Variants in ZNF592 observed in about 807,000 individuals in gnomAD.
ZNF592 encodes the protein zinc finger protein 592.
In ZNF592, 11 loss-of-function variants were observed where a neutral mutation model predicts 80.3. The observed-to-expected ratio is 0.14, with a 90% CI of 0.09 to 0.23. The LOEUF (loss-of-function observed/expected upper bound fraction) is 0.23. ZNF592 is among the 10% of genes least tolerant of loss of function. ZNF592 has a pLI of 1.00. For synonymous variants in ZNF592, 646 were observed against 640.3 expected, an observed-to-expected ratio of 1.01 and a Z score of -0.13; for missense variants, 1,420 against 1,633.9, an observed-to-expected ratio of 0.87 and a Z score of 2.26.
intron 4 of ZNF592, 137 bp downstream of exon 4, chr15:84,785,032 ATATT>A: frequency 9.3e-7 from 1 of 1,075,158 alleles, no homozygotes; most frequent in Non-Finnish European, 1.4e-6. Context: ...GTCTGCCTGA[ATATT>A]TAGTGTTTGG....
intron 1 of ZNF592, among the ~76,000 whole-genome samples, chr15:84,753,728 C>T (rs931889995): frequency 1.1e-4 from 16 of 152,228 alleles, no homozygotes; most frequent in Non-Finnish European, 2.2e-4. Context: ...CTGCCTTGGC[C>T]TCCTAAAGTG....
chr15:84,767,090 GC>G (rs1187326640), intron 2 of ZNF592, among the ~76,000 whole-genome samples: 3 of 152,196 alleles, frequency 2.0e-5, no homozygotes, highest in African/African-American at 7.2e-5. Flanking sequence ...CGCCTCTGGG[GC>G]TCAAGTGATT....
At chr15:84,751,548 C>T (rs1899014508) in intron 1 of ZNF592, among the ~76,000 whole-genome samples, 1 of 151,962 alleles carries the variant, frequency 6.6e-6, no homozygotes, top group Admixed American at 6.6e-5. Flanking sequence ...CAGTTGAGCA[C>T]TGGGTTCAAA....
Position 84,802,117 on chromosome 15 carries a change from C to G in ZNF592, c.3528C>G (p.His1176Gln). The change falls in exon 11 of 11, where the codon CAC becomes CAG. Residue 1176 changes from histidine (H) to glutamine (Q), a missense_variant. By Grantham distance (24) the His-to-Gln change is conservative. Coordinates refer to ENST00000560079, the MANE Select transcript of ZNF592 (RefSeq NM_014630.3). ...SSLSRHLFIV[H>Q]KVRDQEEEEE... ...TCAGCCGCCACCTCTTCATTGTCCACAAGGTGAGAGACCAGGAGGAGGAGG... is the reference window on the plus strand; with the variant it reads ...TCAGCCGCCACCTCTTCATTGTCCAGAAGGTGAGAGACCAGGAGGAGGAGG... The G allele has an allele frequency of 6.2e-7, 1 of 1,611,684 alleles. No individual in the cohort carries two copies. Among genetic ancestry groups the G allele is most frequent in the Non-Finnish European group, 8.5e-7 (1 of 1,178,702 alleles).
intron 1 of ZNF592, among the ~76,000 whole-genome samples, chr15:84,758,219 C>T (rs187775745): frequency 2.2e-4 from 34 of 152,006 alleles, no homozygotes; most frequent in African/African-American, 7.2e-4. Flanking sequence ...GTGATCCACC[C>T]GCCTCGGCCT....
At chr15:84,759,628 A>G (rs1198391503) in intron 1 of ZNF592, among the ~76,000 whole-genome samples, 4 of 152,160 alleles carry the variant, frequency 2.6e-5, no homozygotes, top group East Asian at 1.9e-4. Context: ...TCTTTAGTAC[A>G]TCATCACCAA....
chr15:84,783,603 G>T lies in ZNF592; in HGVS notation c.928G>T (p.Asp310Tyr), dbSNP rs147251641. 1.7e-5 allele frequency: 27 copies of T among 1,614,056 alleles called. No homozygotes were observed. In the African/African-American group the frequency reaches 3.1e-4, roughly 18 times the overall value. ...TKEDQPGHTKDLSGPTKESSK... is the reference protein window; with the variant it reads ...TKEDQPGHTKYLSGPTKESSK... Reference sequence around the variant, plus strand: ...GGAGGATCAGCCTGGCCACACAAAGGATCTCTCAGGGCCCACTAAAGAGAG... The same window carrying T: ...GGAGGATCAGCCTGGCCACACAAAGTATCTCTCAGGGCCCACTAAAGAGAG... Residue 310 changes from aspartate (D) to tyrosine (Y), a missense_variant, in exon 4 of 11, where the codon GAT becomes TAT. Physicochemically the swap from Asp to Tyr is radical, Grantham distance 160. Around this residue, in one of 7 missense-constraint regions of ZNF592, gnomAD observed 373 missense variants for 355.5 expected, o/e 1.05. Coordinates refer to ENST00000560079, the MANE Select transcript of ZNF592 (RefSeq NM_014630.3). This position sits in a 1 kb window ranked among gnomAD's most constrained non-coding sequence, Gnocchi z 5.0.
chr15:84,764,100 C>G (rs1362408256), intron 1 of ZNF592, among the ~76,000 whole-genome samples: 1 of 152,232 alleles, frequency 6.6e-6, no homozygotes, highest in Non-Finnish European at 1.5e-5. Flanking sequence ...TCACCTGCCC[C>G]CCTGGCCCCT....
intron 4 of ZNF592, among the ~76,000 whole-genome samples, chr15:84,787,477 C>T (rs1962623761): frequency 6.6e-6 from 1 of 152,182 alleles, no homozygotes. Context: ...TAGCTTCAGC[C>T]CATGTGTCCA....
chr15:84,796,221 C>CAAAA (rs753718341), intron 5 of ZNF592, among the ~76,000 whole-genome samples: 4 of 25,420 alleles, frequency 1.6e-4, no homozygotes, highest in African/African-American at 4.2e-4. Flanking sequence ...GACTCTGTCT[C>CAAAA]AAAAAAAAAA....
rs538777443 is a variant in ZNF592, at chr15:84,750,028, G to A, written c.-259+1364G>A. 3.3e-5 allele frequency among the ~76,000 whole-genome samples: 5 copies of A among 152,334 alleles called. No homozygotes were observed. The East Asian group carries it at 7.7e-4, about 23-fold the overall frequency. ...TAATAATTAATAGTCGTGGCCGGGC[G>A]CGGTGGCTCGCGCCTGTAATCCCAG... On this transcript the variant is annotated intron_variant, in intron 1 of 10. Coordinates refer to ENST00000560079, the MANE Select transcript of ZNF592 (RefSeq NM_014630.3).
At chr15:84,785,871 A>C (rs1468728378) in intron 4 of ZNF592, among the ~76,000 whole-genome samples, 2 of 151,938 alleles carry the variant, frequency 1.3e-5, no homozygotes, top group African/African-American at 4.8e-5. Context: ...CATTTAAAAA[A>C]AAAAAAAAAG....
At position 84,766,671 on chromosome 15, in the gene ZNF592, T is replaced by TGGA. The variant is rs141787773; in HGVS notation, c.-150+1860_-150+1862dup. 6.3e-3 allele frequency among the ~76,000 whole-genome samples: 913 copies of TGGA among 145,420 alleles called. 9 individuals carry two copies. Among genetic ancestry groups the TGGA allele is most frequent in the African/African-American group, 0.022 (867 of 38,742 alleles). On this transcript the variant is annotated intron_variant, in intron 2 of 10. Coordinates refer to ENST00000560079, the MANE Select transcript of ZNF592 (RefSeq NM_014630.3). ...GAAGAGAGGGAGAGAAAGTGTACCG[T>TGGA]GGAGGAAGGAATAGAGGGAGAGAGG...
rs1347194848 is a variant in ZNF592, at chr15:84,784,915, T to TA, written c.2220+21dup. ...GGGCTGGTAAGCAGACCCTCACTGT[T>TA]ACGGGTATCGGGCCCCTGGCTCACA... On this transcript the variant is annotated intron_variant, in intron 4 of 10. Coordinates refer to ENST00000560079, the MANE Select transcript of ZNF592 (RefSeq NM_014630.3). The surrounding 1 kb of genome is among the most constrained non-coding windows in gnomAD (Gnocchi z 5.8). The TA allele has an allele frequency of 1.2e-6, 2 of 1,613,818 alleles. No individual in the cohort carries two copies. The highest frequency in any genetic ancestry group is 1.7e-6 in the Non-Finnish European group (2 of 1,179,994).
chr15:84,757,102 G>C (rs2141960223), intron 1 of ZNF592, among the ~76,000 whole-genome samples: 1 of 152,094 alleles, frequency 6.6e-6, no homozygotes, highest in East Asian at 1.9e-4. Flanking sequence ...GACAGAGTGA[G>C]ACTGTCTCAA....
intron 2 of ZNF592, among the ~76,000 whole-genome samples, chr15:84,765,162 C>T: frequency 6.6e-6 from 1 of 152,198 alleles, no homozygotes; most frequent in Admixed American, 6.5e-5. Context: ...TAAGTGGAAT[C>T]ATTCAGTATT....
intron 10 of ZNF592, among the ~76,000 whole-genome samples, chr15:84,801,004 A>G (rs528410272): frequency 6.6e-6 from 1 of 152,328 alleles, no homozygotes; most frequent in Non-Finnish European, 1.5e-5. Flanking sequence ...AAAAACAAAA[A>G]CAAGAAAAAC....
In ZNF592 at chr15:84,784,797, C is replaced by T. The variant is rs758325813; in HGVS notation, c.2122C>T (p.Arg708Trp). The T allele has an allele frequency of 4.3e-6, 7 of 1,613,978 alleles. No homozygotes were observed. Among genetic ancestry groups the T allele is most frequent in the East Asian group, 2.2e-5 (1 of 44,878 alleles). Residue 708 changes from arginine to tryptophan, a missense_variant, in exon 4 of 11, where the codon CGG (arginine) becomes TGG (tryptophan). Arg to Trp is a moderately radical substitution (Grantham distance 101). This residue lies in a region of ZNF592 where 524 missense variants were observed against 628.3 expected (regional missense o/e 0.83). Transcript: ENST00000560079. This position sits in a 1 kb window ranked among gnomAD's most constrained non-coding sequence, Gnocchi z 5.8. ...PLYPDPVRLIRYSIKCLECHK... is the reference protein window; with the variant it reads ...PLYPDPVRLIWYSIKCLECHK... ...CTACCCAGACCCTGTGAGGCTCATC[C>T]GGTACTCAATCAAGTGTCTTGAATG... is the stretch of plus-strand genomic sequence containing the variant.
rs771577497 is a variant in ZNF592 at position 84,798,558 on chromosome 15, C to A, written c.2737-30C>A. The A allele has an allele frequency of 1.9e-6, 3 of 1,613,918 alleles. No individual in the cohort carries two copies. The highest frequency in any genetic ancestry group is 2.2e-5 in the South Asian group (2 of 91,084). On this transcript the variant is annotated intron_variant, in intron 7 of 10. Coordinates refer to ENST00000560079, the MANE Select transcript of ZNF592 (RefSeq NM_014630.3). This position sits in a 1 kb window ranked among gnomAD's most constrained non-coding sequence, Gnocchi z 4.5. ...TGACTCTGTGCATCTTTCCCCTTGC[C>A]CAGTCAGTAATCGCTCTCCCCATCC...
Sources: gnomAD v4.1 joint callset for allele counts (sites outside exome capture counted in the v4.1 genomes callset) on GRCh38, gnomAD v4.1.1 for gene constraint, gnomAD v4.1.1 regional missense constraint, Gnocchi (gnomAD v3.1) non-coding constraint, MANE v1.5 for transcripts, NCBI Gene and HGNC (gene_info 2026-07-23, HGNC 2026-07-21) for gene names.